PRDM5: variants seen among roughly 807,000 people sequenced by gnomAD.
PRDM5 encodes the protein PR/SET domain 5, also known as PR domain zinc finger protein 5.
Under a neutral mutation model 81.2 loss-of-function variants are expected in PRDM5, and 56 were observed. That is an observed-to-expected ratio of 0.69 (90% CI 0.56 to 0.86). The LOEUF (loss-of-function observed/expected upper bound fraction) is 0.86. Among genes scored for constraint, PRDM5 ranks in the 40% least tolerant of loss-of-function variants. The probability of loss-of-function intolerance (pLI) is 0.00; values close to 1 mark genes in which losing one functional copy is unlikely to be tolerated. For synonymous variants in PRDM5, 267 were observed against 256.4 expected, an observed-to-expected ratio of 1.04 and a Z score of -0.39; for missense variants, 697 against 770.1, an observed-to-expected ratio of 0.91 and a Z score of 1.12.
chr4:120,861,808 G>T (rs1474896543), intron 2 of PRDM5, among the ~76,000 whole-genome samples: 1 of 149,646 alleles, frequency 6.7e-6, no homozygotes. Flanking sequence ...AAAAAAAAAA[G>T]AAAAAACAAA....
At chr4:120,838,922 A>G (rs1757675193) in intron 3 of PRDM5, 2 of 434,480 alleles carry the variant, frequency 4.6e-6, no homozygotes, top group African/African-American at 3.9e-5. Context: ...GGTCTGGCCA[A>G]TGCACAGTCA....
In PRDM5 at chr4:120,698,683, A is replaced by G. The variant is rs1734880542; in HGVS notation, c.1729-3408T>C. The stretch of plus-strand genomic sequence containing the variant: ...CTGAACTCAGAATTCTTGTCTTTCA[A>G]ACCTAAGTCTCAAAAAATGGTCCGA... On this transcript the variant is annotated intron_variant, in intron 15 of 15. Coordinates refer to ENST00000264808, the MANE Select transcript of PRDM5 (RefSeq NM_018699.4). Among the ~76,000 whole-genome samples, 4 of 152,110 alleles carry G rather than the reference A, an allele frequency of 2.6e-5. No individual in the cohort carries two copies. In the South Asian group the frequency reaches 8.3e-4, roughly 32 times the overall value.
chr4:120,685,937 ATGGGGTGGAT>A (rs1733818023), intron 1 of PRDM5, among the ~76,000 whole-genome samples: 1 of 151,922 alleles, frequency 6.6e-6, no homozygotes, highest in South Asian at 2.1e-4. Context: ...TGATTGCATC[ATGGGGTGGAT>A]TTCTCATGAA....
At chr4:120,817,404 GTAACATT>G (rs1754673954) in intron 5 of PRDM5, among the ~76,000 whole-genome samples, 1 of 152,090 alleles carries the variant, frequency 6.6e-6, no homozygotes, top group South Asian at 2.1e-4. Flanking sequence ...ATGTAAAAAT[GTAACATT>G]AAAGCCTATG....
intron 11 of PRDM5, 82 bp downstream of exon 11, chr4:120,784,916 G>A: frequency 9.1e-7 from 1 of 1,099,086 alleles, no homozygotes; most frequent in Non-Finnish European, 1.4e-6. Flanking sequence ...GCACACCTCT[G>A]GGATGTCTAC....
chr4:120,776,501 T>C (rs1446874222), intron 13 of PRDM5, among the ~76,000 whole-genome samples: 3 of 152,226 alleles, frequency 2.0e-5, no homozygotes, highest in Non-Finnish European at 4.4e-5. Flanking sequence ...AATTAGAGTC[T>C]AGGTACTGAA....
chr4:120,839,938 C>A (rs1468615796), intron 3 of PRDM5, among the ~76,000 whole-genome samples: 1 of 152,246 alleles, frequency 6.6e-6, no homozygotes, highest in East Asian at 1.9e-4. Flanking sequence ...GGTGTATGCA[C>A]CCCCAGCCAG....
chr4:120,788,531 T>C (rs1162534198), intron 10 of PRDM5, among the ~76,000 whole-genome samples: 2 of 152,224 alleles, frequency 1.3e-5, no homozygotes, highest in East Asian at 3.8e-4. Flanking sequence ...GTAGAAACTA[T>C]TTTGTTTTTA....
At chr4:120,802,891 A>G (rs1561297121) in intron 8 of PRDM5, among the ~76,000 whole-genome samples, 1 of 152,182 alleles carries the variant, frequency 6.6e-6, no homozygotes, top group Non-Finnish European at 1.5e-5. Flanking sequence ...AGAAGGCTTC[A>G]GACGATCAAA....
At chr4:120,728,010 A>C (rs1407980175) in intron 14 of PRDM5, among the ~76,000 whole-genome samples, 2 of 151,886 alleles carry the variant, frequency 1.3e-5, no homozygotes, top group Non-Finnish European at 2.9e-5. Flanking sequence ...GTTTTCTGTC[A>C]TGATCACAGC....
intron 11 of PRDM5, 47 bp from the exon 12 acceptor site, chr4:120,781,350 TA>T: frequency 6.4e-7 from 1 of 1,556,138 alleles, no homozygotes; most frequent in Non-Finnish European, 8.8e-7. Context: ...AGGGTCCTAT[TA>T]ATTTCCTCCC....
intron 14 of PRDM5, among the ~76,000 whole-genome samples, chr4:120,712,146 C>T (rs899435662): frequency 6.6e-6 from 1 of 151,874 alleles, no homozygotes. Flanking sequence ...GTTAGCTGGG[C>T]ATGGTGGCGG....
chr4:120,889,278 C>G (rs1763794857), intron 2 of PRDM5, among the ~76,000 whole-genome samples: 1 of 152,032 alleles, frequency 6.6e-6, no homozygotes, highest in African/African-American at 2.4e-5. Flanking sequence ...TACTATTTTT[C>G]CATGAGGATA....
chr4:120,696,936 A>C (rs1734592942), intron 15 of PRDM5, among the ~76,000 whole-genome samples: 1 of 152,164 alleles, frequency 6.6e-6, no homozygotes, highest in Admixed American at 6.6e-5. Context: ...TGTAAGCATA[A>C]GGTTTGTAAC....
intron 2 of PRDM5, among the ~76,000 whole-genome samples, chr4:120,887,049 G>T (rs997186152): frequency 6.6e-6 from 1 of 151,688 alleles, no homozygotes; most frequent in Non-Finnish European, 1.5e-5. Context: ...GGGTTCAAGC[G>T]ATTTTCCTGC....
chr4:120,867,875 C>T (rs1368173890), intron 2 of PRDM5, among the ~76,000 whole-genome samples: 2 of 152,180 alleles, frequency 1.3e-5, no homozygotes, highest in Non-Finnish European at 2.9e-5. Flanking sequence ...TACAAAAACC[C>T]TAATATTAAA....
intron 3 of PRDM5, among the ~76,000 whole-genome samples, chr4:120,841,823 T>C (rs116292403): frequency 0.015 from 2,344 of 152,366 alleles, 28 homozygotes; most frequent in Non-Finnish European, 0.025. Context: ...TGTTTCATTA[T>C]ATTTTCTAGT....
chr4:120,715,578 TG>T (rs1380747189), intron 14 of PRDM5, among the ~76,000 whole-genome samples: 1 of 152,220 alleles, frequency 6.6e-6, no homozygotes, highest in East Asian at 1.9e-4. Context: ...TTTAAGTATT[TG>T]GATCAGAATT....
intron 14 of PRDM5, among the ~76,000 whole-genome samples, chr4:120,749,844 G>A (rs149210138): frequency 0.01 from 1,558 of 152,288 alleles, 87 homozygotes; most frequent in Admixed American, 0.086. Flanking sequence ...GTGATCCACA[G>A]GAGAGGTCTG....
Sources: gnomAD v4.1 joint callset for allele counts (sites outside exome capture counted in the v4.1 genomes callset) on GRCh38, gnomAD v4.1.1 for gene constraint, MANE v1.5 for transcripts, NCBI Gene and HGNC (gene_info 2026-07-23, HGNC 2026-07-21) for gene names.